The following SUSD6 variants were observed in gnomAD, a reference collection of about 807,000 sequenced individuals.
The protein encoded by SUSD6 is sushi domain containing 6, also known as sushi domain-containing protein 6.
In SUSD6, 16 loss-of-function variants were observed where a neutral mutation model predicts 28.4. The ratio of observed to expected loss-of-function variants is 0.56; its 90% CI spans 0.38 to 0.86. SUSD6 has a LOEUF of 0.86. Among genes scored for constraint, SUSD6 ranks in the 40% least tolerant of loss-of-function variants. The pLI is 0.00. For missense variants in SUSD6, 341 were observed against 384.2 expected (o/e 0.89, Z 0.94); for synonymous variants, 147 against 159.6 (o/e 0.92, Z 0.59).
At chr14:69,656,021 A>T (rs1354105915) in intron 1 of SUSD6, among the ~76,000 whole-genome samples, 1 of 152,006 alleles carries the variant, frequency 6.6e-6, no homozygotes, top group Admixed American at 6.5e-5. Context: ...AGCCTCTGCC[A>T]GGAGTAATGT....
At position 69,714,508 on chromosome 14, in the gene SUSD6, G is replaced by A. The variant is rs1329558164; in HGVS notation, c.*3529G>A. The A allele has an allele frequency of 3.3e-5, 5 of 152,240 alleles. No individual in the cohort carries two copies. The highest frequency in any genetic ancestry group is 7.3e-5 in the Non-Finnish European group (5 of 68,054). 9.4% of individuals were successfully genotyped at this position (152,240 alleles called of 1,614,324 possible). A position where few individuals can be genotyped will look rare whatever the true frequency, so the allele number is the denominator to read the frequency against. On this transcript the variant is annotated 3_prime_UTR_variant, in exon 6 of 6. Coordinates refer to ENST00000342745, the MANE Select transcript of SUSD6 (RefSeq NM_014734.4). ...TTCACAGCTTAATGCCAAGGACAGC[G>A]AGTGAGGCTGGGAGCTTCTCTTGGG... is the stretch of plus-strand genomic sequence containing the variant.
chr14:69,664,948 C>T (rs1885717386), intron 2 of SUSD6, among the ~76,000 whole-genome samples: 1 of 152,206 alleles, frequency 6.6e-6, no homozygotes, highest in Non-Finnish European at 1.5e-5. Context: ...TGGAAGAGTG[C>T]AGTGCATCAC....
At chr14:69,636,907 T>G (rs952564122) in intron 1 of SUSD6, among the ~76,000 whole-genome samples, 3 of 152,230 alleles carry the variant, frequency 2.0e-5, no homozygotes, top group African/African-American at 7.2e-5. Flanking sequence ...GGTTCAGCCA[T>G]TCTCTCAAGA....
intron 2 of SUSD6, among the ~76,000 whole-genome samples, chr14:69,698,886 G>A (rs1475333469): frequency 6.6e-6 from 1 of 152,100 alleles, no homozygotes; most frequent in Non-Finnish European, 1.5e-5. Context: ...AAAATTGTCT[G>A]GCTTTCTCCT....
intron 2 of SUSD6, among the ~76,000 whole-genome samples, chr14:69,673,396 C>T (rs780085967): frequency 1.1e-4 from 17 of 152,100 alleles, no homozygotes; most frequent in Non-Finnish European, 2.4e-4. Context: ...GAAGACCAAA[C>T]TTTGAGAACC....
intron 2 of SUSD6, among the ~76,000 whole-genome samples, chr14:69,677,333 C>T (rs910059912): frequency 2.0e-5 from 3 of 152,160 alleles, no homozygotes; most frequent in Non-Finnish European, 4.4e-5. Flanking sequence ...ATCACAAGGT[C>T]AGGAGATCGA....
chr14:69,653,984 A>T (rs1885542196), intron 1 of SUSD6, among the ~76,000 whole-genome samples: 1 of 152,086 alleles, frequency 6.6e-6, no homozygotes, highest in African/African-American at 2.4e-5. Flanking sequence ...CTTACATATA[A>T]ACACCCCACT....
chr14:69,631,006 AT>A (rs376238873), intron 1 of SUSD6, among the ~76,000 whole-genome samples: 8 of 152,324 alleles, frequency 5.3e-5, no homozygotes, highest in African/African-American at 1.4e-4. Flanking sequence ...ACTTAAAGTG[AT>A]TATCTGTTTC....
intron 1 of SUSD6, among the ~76,000 whole-genome samples, chr14:69,638,946 A>G (rs908911578): frequency 1.3e-5 from 2 of 152,178 alleles, no homozygotes; most frequent in East Asian, 1.9e-4. Flanking sequence ...TTTCCAAGGT[A>G]TAAGAACCAC....
At chr14:69,676,392 C>CCTTTTTT (rs375425899) in intron 2 of SUSD6, among the ~76,000 whole-genome samples, 1,885 of 142,590 alleles carry the variant, frequency 0.013, 44 homozygotes, top group African/African-American at 0.048. Context: ...TTTTTTTTTT[C>CCTTTTTT]CTTTTTGAGA....
At chr14:69,640,505 T>G (rs745389398) in intron 1 of SUSD6, among the ~76,000 whole-genome samples, 3 of 152,138 alleles carry the variant, frequency 2.0e-5, no homozygotes, top group Non-Finnish European at 2.9e-5. Flanking sequence ...TGGCTGATTT[T>G]CTTTTTATTT....
intron 1 of SUSD6, among the ~76,000 whole-genome samples, chr14:69,623,969 A>T (rs971251667): frequency 2.6e-5 from 4 of 152,206 alleles, no homozygotes; most frequent in South Asian, 4.1e-4. Context: ...AAAAAATTTT[A>T]AAAAATATGT....
intron 1 of SUSD6, among the ~76,000 whole-genome samples, chr14:69,630,590 A>C (rs1030828102): frequency 2.6e-5 from 4 of 152,148 alleles, no homozygotes; most frequent in African/African-American, 9.7e-5. Flanking sequence ...GAAAAACCTT[A>C]AAGTGAATCA....
chr14:69,666,919 T>C (rs770657961), intron 2 of SUSD6, among the ~76,000 whole-genome samples: 1 of 152,226 alleles, frequency 6.6e-6, no homozygotes, highest in Non-Finnish European at 1.5e-5. Flanking sequence ...AAAACAGGGC[T>C]ATAAAATAAT....
chr14:69,678,429 A>G (rs1885947459), intron 2 of SUSD6, among the ~76,000 whole-genome samples: 1 of 151,974 alleles, frequency 6.6e-6, no homozygotes, highest in African/African-American at 2.4e-5. Flanking sequence ...ATGTAACAGT[A>G]TAATTGTATT....
intron 5 of SUSD6, among the ~76,000 whole-genome samples, chr14:69,710,289 G>A (rs1244422127): frequency 6.6e-6 from 1 of 152,204 alleles, no homozygotes; most frequent in African/African-American, 2.4e-5. Flanking sequence ...GCCATCTTGT[G>A]CCTAATGCTG....
At chr14:69,625,430 TAGC>T (rs901675753) in intron 1 of SUSD6, among the ~76,000 whole-genome samples, 2 of 152,218 alleles carry the variant, frequency 1.3e-5, no homozygotes, top group African/African-American at 4.8e-5. Context: ...GATGTTGGGT[TAGC>T]AGCAGAAACG....
intron 1 of SUSD6, among the ~76,000 whole-genome samples, chr14:69,654,086 A>C (rs1431393735): frequency 6.6e-6 from 1 of 152,190 alleles, no homozygotes. Flanking sequence ...TCAGGATGGA[A>C]TTGGTTCCTC....
At chr14:69,627,522 G>C (rs1474505702) in intron 1 of SUSD6, among the ~76,000 whole-genome samples, 1 of 152,132 alleles carries the variant, frequency 6.6e-6, no homozygotes, top group East Asian at 1.9e-4. Flanking sequence ...CTGTTCCCCA[G>C]GCTGGAGTGC....
Sources: allele counts gnomAD v4.1 joint callset (sites outside exome capture counted in the v4.1 genomes callset), GRCh38; gene constraint gnomAD v4.1.1; transcripts MANE v1.5; gene names NCBI Gene and HGNC (gene_info 2026-07-23, HGNC 2026-07-21).